Variants in GGT7 observed in about 807,000 individuals in gnomAD.
GGT7 encodes gamma-glutamyltransferase 7, also known as glutathione hydrolase 7.
In GGT7, 30 loss-of-function variants were observed where a neutral mutation model predicts 69.2. The observed-to-expected ratio is 0.43, with a 90% CI of 0.32 to 0.59. GGT7 has a LOEUF of 0.59. GGT7 is among the 20% of genes least tolerant of loss of function. The pLI is 0.05. For synonymous variants in GGT7, 388 were observed against 391.8 expected, an observed-to-expected ratio of 0.99 and a Z score of 0.12; for missense variants, 733 against 901.1, an observed-to-expected ratio of 0.81 and a Z score of 2.39.
Position 34,863,370 on chromosome 20 carries a change from G to A in GGT7, c.348C>T (p.Thr116=), listed in dbSNP as rs879180045. The change falls in exon 2 of 15, where the codon ACC becomes ACT. Residue 116 remains threonine, a synonymous_variant. Transcript: ENST00000336431. This position sits in a 1 kb window ranked among gnomAD's most constrained non-coding sequence, Gnocchi z 4.4. ...GCGCCACGGTGACACCGGTAGCGAAGGTGAGACAGGCCGTGACGATGACCG... is the reference window on the plus strand; with the variant it reads ...GCGCCACGGTGACACCGGTAGCGAAAGTGAGACAGGCCGTGACGATGACCG... ...GLTVIVTACL[T]FATGVTVALV... 1.9e-6 allele frequency: 3 copies of A among 1,614,094 alleles called. No individual in the cohort carries two copies. Among genetic ancestry groups the A allele is most frequent in the South Asian group, 2.2e-5 (2 of 91,082 alleles).
At chr20:34,871,543 C>T (rs1414378342) in intron 1 of GGT7, among the ~76,000 whole-genome samples, 1 of 152,246 alleles carries the variant, frequency 6.6e-6, no homozygotes, top group East Asian at 1.9e-4. Context: ...TATCTCCTCA[C>T]CCCCACCCCA....
chr20:34,851,543 G>T (rs1211990572), intron 12 of GGT7, among the ~76,000 whole-genome samples, 175 bp from the exon 13 acceptor site: 3 of 152,126 alleles, frequency 2.0e-5, no homozygotes, highest in African/African-American at 7.2e-5. Flanking sequence ...AATGGGTAGG[G>T]TGCCTGGATG....
At position 34,863,462 on chromosome 20, in the gene GGT7, G is replaced by C. The variant is rs761496543; in HGVS notation, c.256C>G (p.Arg86Gly). ...EMGSQDGSPL[R>G]ETRKDPFSAA... ...GAGAACGGGTCTTTGCGCGTCTCGCGTAGCGGCGACCCGTCTTGGCTGCCC... is the reference window on the plus strand; with the variant it reads ...GAGAACGGGTCTTTGCGCGTCTCGCCTAGCGGCGACCCGTCTTGGCTGCCC... Residue 86 changes from arginine to glycine, a missense_variant, in exon 2 of 15, where the codon CGC becomes GGC. Arg to Gly is a moderately radical substitution (Grantham distance 125). Coordinates refer to ENST00000336431, the MANE Select transcript of GGT7 (RefSeq NM_178026.3). This position sits in a 1 kb window ranked among gnomAD's most constrained non-coding sequence, Gnocchi z 4.4. The C allele has an allele frequency of 6.2e-7, 1 of 1,611,088 alleles. No homozygotes were observed. The highest frequency in any genetic ancestry group is 8.5e-7 in the Non-Finnish European group (1 of 1,179,124).
chr20:34,872,602 G>C, intron 1 of GGT7, 45 bp downstream of exon 1: 2 of 1,320,490 alleles, frequency 1.5e-6, no homozygotes, highest in South Asian at 1.8e-5. Context: ...AAGGAAGACC[G>C]GGGACTTCCC....
chr20:34,850,004 G>A lies in GGT7; in HGVS notation c.1782C>T (p.Gly594=), dbSNP rs778279737. The change falls in exon 14 of 15, where the codon GGC becomes GGT. Residue 594 remains glycine (G), a synonymous_variant. Transcript: ENST00000336431. The part of the protein sequence containing the change: ...NRNLSDSLAR[G]RLHPDLQSNL... ...TGGACTGCAGGTCCGGGTGTAGGCG[G>A]CCGCGGGCCAGGCTGTCACTCAGGT... 6.8e-6 allele frequency: 11 copies of A among 1,613,816 alleles called. No individual in the cohort carries two copies. The highest frequency in any genetic ancestry group is 1.7e-5 in the Admixed American group (1 of 60,032).
At chr20:34,856,920 C>T in intron 7 of GGT7, 27 bp from the exon 8 acceptor site, 4 of 1,364,084 alleles carry the variant, frequency 2.9e-6, no homozygotes, top group Non-Finnish European at 4.2e-6. Flanking sequence ...GAGGGAATGA[C>T]CTCCCACCAC....
Position 34,855,183 on chromosome 20 carries a change from G to A in GGT7, c.1103-260C>T, listed in dbSNP as rs149845471. Among the ~76,000 whole-genome samples the A allele has an allele frequency of 4.2e-3, 639 of 152,332 alleles. 2 individuals carry two copies. Among genetic ancestry groups the A allele is most frequent in the African/African-American group, 0.015 (606 of 41,566 alleles). ...GAGAAAACTAAGGCTCAAGAGGGCT[G>A]TGGCTTGCCCAGAGTCACACTGCAG... On this transcript the variant is annotated intron_variant, in intron 8 of 14. Coordinates refer to ENST00000336431, the MANE Select transcript of GGT7 (RefSeq NM_178026.3).
Position 34,863,204 on chromosome 20 carries a change from C to A in GGT7, c.405+109G>T. On this transcript the variant is annotated intron_variant, in intron 2 of 14. Transcript: ENST00000336431. This position sits in a 1 kb window ranked among gnomAD's most constrained non-coding sequence, Gnocchi z 4.4. ...GGACCTTCCTCTCCCAAGTCACCAC[C>A]CTCTCTCCCCTTCTACCACTCAGCC... 1 of 898,742 alleles carries A rather than the reference C, an allele frequency of 1.1e-6. No individual in the cohort carries two copies. The highest frequency in any genetic ancestry group is 2.7e-5 in the East Asian group (1 of 37,650). 55.7% of individuals were successfully genotyped at this position (898,742 alleles called of 1,614,324 possible). A position where few individuals can be genotyped will look rare whatever the true frequency, so the allele number is the denominator to read the frequency against.
chr20:34,857,624 T>TCA (rs2079516430), intron 7 of GGT7, among the ~76,000 whole-genome samples: 1 of 150,368 alleles, frequency 6.7e-6, no homozygotes, highest in Admixed American at 6.6e-5. Flanking sequence ...GATTTTTTTT[T>TCA]TTTTTTTTTT....
chr20:34,864,173 G>A (rs2079651251), intron 1 of GGT7, among the ~76,000 whole-genome samples: 1 of 152,110 alleles, frequency 6.6e-6, no homozygotes, highest in African/African-American at 2.4e-5. Flanking sequence ...GGTAGGGGAG[G>A]GAGGATTCCT....
chr20:34,845,138 AC>A lies in GGT7; in HGVS notation c.*189del. The A allele has an allele frequency of 3.2e-6, 1 of 317,248 alleles. No individual in the cohort carries two copies. Among genetic ancestry groups the A allele is most frequent in the Non-Finnish European group, 6.0e-6 (1 of 166,968 alleles). 19.7% of individuals were successfully genotyped at this position (317,248 alleles called of 1,614,324 possible). On this transcript the variant is annotated 3_prime_UTR_variant, in exon 15 of 15. Coordinates refer to ENST00000336431, the MANE Select transcript of GGT7 (RefSeq NM_178026.3). ...CACCACCACCACCACCACCACCACC[AC>A]CACCACCACCACCACAGGCCTCCTG...
rs1166183771 is a variant in GGT7 at position 34,860,240 on chromosome 20, G to A, written c.743+14C>T. 3.1e-6 allele frequency: 5 copies of A among 1,600,916 alleles called. No homozygotes were observed. Among genetic ancestry groups the A allele is most frequent in the Non-Finnish European group, 3.4e-6 (4 of 1,168,078 alleles). The stretch of plus-strand genomic sequence containing the variant: ...CAAACGGGGGTCCCTGGTCCCCAGG[G>A]GGAGGGTTGTTACCTGCCATAGAGC... On this transcript the variant is annotated intron_variant, in intron 5 of 14. Transcript: ENST00000336431.
chr20:34,864,383 TC>T (rs1275323907), intron 1 of GGT7, among the ~76,000 whole-genome samples: 3 of 151,750 alleles, frequency 2.0e-5, no homozygotes, highest in Admixed American at 1.3e-4. Context: ...CCTGGGCGGC[TC>T]TGGTGTAGCA....
intron 1 of GGT7, chr20:34,872,031 G>A (rs1410181802): frequency 6.6e-6 from 1 of 152,300 alleles, no homozygotes; most frequent in Non-Finnish European, 1.5e-5. Context: ...ACCCCGGCCA[G>A]ATCCATGGCT....
chr20:34,845,144 A>ACCACCC lies in GGT7; in HGVS notation c.*183_*184insGGGTGG. 3 of 309,674 alleles carry ACCACCC rather than the reference A, an allele frequency of 9.7e-6. No individual in the cohort carries two copies. Among genetic ancestry groups the ACCACCC allele is most frequent in the South Asian group, 2.6e-5 (1 of 37,864 alleles). The allele number at this position is 309,674 out of a possible 1,614,324, so 19.2% of individuals were successfully genotyped here. A position where few individuals can be genotyped will look rare whatever the true frequency, so the allele number is the denominator to read the frequency against. ...CACCACCACCACCACCACCACCACC[A>ACCACCC]CCACCACCACAGGCCTCCTGATGGA... On this transcript the variant is annotated 3_prime_UTR_variant, in exon 15 of 15. Coordinates refer to ENST00000336431, the MANE Select transcript of GGT7 (RefSeq NM_178026.3).
intron 1 of GGT7, among the ~76,000 whole-genome samples, chr20:34,871,891 C>T (rs2079784989): frequency 6.6e-6 from 1 of 152,128 alleles, no homozygotes; most frequent in African/African-American, 2.4e-5. Flanking sequence ...GAGCTCTTTG[C>T]CCCCAGGTCT....
At chr20:34,845,747 T>C (rs1387359085) in intron 14 of GGT7, among the ~76,000 whole-genome samples, 1 of 152,116 alleles carries the variant, frequency 6.6e-6, no homozygotes, top group Admixed American at 6.5e-5. Context: ...ATCAATAATA[T>C]GCAGTCATTC....
Position 34,863,017 on chromosome 20 carries a change from T to G in GGT7, c.406-52A>C. Reference sequence around the variant, plus strand: ...GGGCAGGAGGAGCTGTCCACCTCCCTAGGGCACCTCCACTAGCCCTAGAAC... The same window carrying G: ...GGGCAGGAGGAGCTGTCCACCTCCCGAGGGCACCTCCACTAGCCCTAGAAC... On this transcript the variant is annotated intron_variant, in intron 2 of 14. Transcript: ENST00000336431. The surrounding 1 kb of genome is among the most constrained non-coding windows in gnomAD (Gnocchi z 4.4). 1 of 1,548,712 alleles carries G rather than the reference T, an allele frequency of 6.5e-7. No homozygotes were observed. The highest frequency in any genetic ancestry group is 8.8e-7 in the Non-Finnish European group (1 of 1,137,744).
rs1259672464 is a variant in GGT7 at position 34,863,591 on chromosome 20, G to T, written c.170-43C>A. 7.5e-7 allele frequency: 1 copy of T among 1,325,784 alleles called. No individual in the cohort carries two copies. The highest frequency in any genetic ancestry group is 1.1e-6 in the Non-Finnish European group (1 of 942,648). 82.1% of individuals were successfully genotyped at this position (1,325,784 alleles called of 1,614,324 possible). A position where few individuals can be genotyped will look rare whatever the true frequency, so the allele number is the denominator to read the frequency against. On this transcript the variant is annotated intron_variant, in intron 1 of 14. Coordinates refer to ENST00000336431, the MANE Select transcript of GGT7 (RefSeq NM_178026.3). The surrounding 1 kb of genome is among the most constrained non-coding windows in gnomAD (Gnocchi z 4.4). ...GGGTCGGTCTGGGCATCTCCTATCT[G>T]GCCCTGCCCACCCTCCAGGTGGGAC... is the stretch of plus-strand genomic sequence containing the variant.
Sources: allele counts gnomAD v4.1 joint callset (sites outside exome capture counted in the v4.1 genomes callset), GRCh38; gene constraint gnomAD v4.1.1; non-coding constraint Gnocchi (gnomAD v3.1); transcripts MANE v1.5; gene names NCBI Gene and HGNC (gene_info 2026-07-23, HGNC 2026-07-21).